The following GRID2 variants were observed in gnomAD, a reference collection of about 807,000 sequenced individuals.
GRID2 encodes glutamate receptor ionotropic, delta-2.
In GRID2, 33 loss-of-function variants were observed where a neutral mutation model predicts 114.8. The observed-to-expected ratio is 0.29, with a 90% confidence interval of 0.22 to 0.38. The LOEUF (loss-of-function observed/expected upper bound fraction) is 0.38, where lower values mean the gene tolerates loss of function less well. GRID2 is among the 10% of genes least tolerant of loss of function. The probability of loss-of-function intolerance (pLI) is 1.00; values close to 1 mark genes in which losing one functional copy is unlikely to be tolerated. For missense variants in GRID2, 1,184 were observed against 1,257.7 expected, an observed-to-expected ratio of 0.94 and a Z score of 0.89; for synonymous variants, 505 against 449.9, an observed-to-expected ratio of 1.12 and a Z score of -1.55.
chr4:92,804,432 T>C (rs535911406), intron 2 of GRID2, among the ~76,000 whole-genome samples: 1 of 152,122 alleles, frequency 6.6e-6, no homozygotes, highest in South Asian at 2.1e-4. Context: ...ATGTCATTTA[T>C]ATCATATGTC....
intron 14 of GRID2, among the ~76,000 whole-genome samples, chr4:93,721,051 C>A (rs1345121136): frequency 6.6e-6 from 1 of 152,246 alleles, no homozygotes; most frequent in Middle Eastern, 3.4e-3. Context: ...AAATTCAGAT[C>A]ATTCTAATTA....
intron 2 of GRID2, among the ~76,000 whole-genome samples, chr4:92,803,831 T>C (rs1373831226): frequency 6.6e-6 from 1 of 152,036 alleles, no homozygotes; most frequent in African/African-American, 2.4e-5. Flanking sequence ...TGGCTTCAAA[T>C]GACAATGAGA....
intron 13 of GRID2, among the ~76,000 whole-genome samples, chr4:93,543,366 A>T (rs1328381092): frequency 1.3e-5 from 2 of 152,194 alleles, no homozygotes; most frequent in Admixed American, 1.3e-4. Flanking sequence ...AATTTTTCTG[A>T]GTTGCCAACA....
chr4:92,737,217 A>C (rs1288920297), intron 2 of GRID2, among the ~76,000 whole-genome samples: 1 of 152,100 alleles, frequency 6.6e-6, no homozygotes, highest in Admixed American at 6.6e-5. Flanking sequence ...AAAGGGTCTC[A>C]AGATTAAAAT....
chr4:92,443,523 T>C (rs1266618041), intron 1 of GRID2, among the ~76,000 whole-genome samples: 1 of 148,044 alleles, frequency 6.8e-6, no homozygotes, highest in Non-Finnish European at 1.5e-5. Context: ...TCCAGAAAAG[T>C]GGGAAAAGGG....
chr4:93,716,165 A>G (rs1423590059), intron 14 of GRID2, among the ~76,000 whole-genome samples: 1 of 152,164 alleles, frequency 6.6e-6, no homozygotes, highest in African/African-American at 2.4e-5. Flanking sequence ...ACTTGGGTAT[A>G]TAAGAGTAAA....
At chr4:93,687,968 A>G (rs1400211031) in intron 14 of GRID2, among the ~76,000 whole-genome samples, 1 of 152,012 alleles carries the variant, frequency 6.6e-6, no homozygotes, top group Non-Finnish European at 1.5e-5. Flanking sequence ...TGACATGAGG[A>G]ATTGTCCCTT....
In GRID2 at chr4:93,065,282, A is replaced by G. The variant is rs1481969426; in HGVS notation, c.245-19713A>G. Among the ~76,000 whole-genome samples the G allele has an allele frequency of 2.0e-5, 3 of 151,944 alleles. No homozygotes were observed. In the East Asian group the frequency reaches 5.8e-4, roughly 29 times the overall value. Reference sequence around the variant, plus strand: ...ATCTCATTTAAATTCTGATTAAAAAACCAGACTGTCATTGTGTGTCATTGA... The same window carrying G: ...ATCTCATTTAAATTCTGATTAAAAAGCCAGACTGTCATTGTGTGTCATTGA... On this transcript the variant is annotated intron_variant, in intron 2 of 15. Coordinates refer to ENST00000282020, the MANE Select transcript of GRID2 (RefSeq NM_001510.4).
rs113090670 is a variant in GRID2, at chr4:93,372,548, C to A, written c.1246-23059C>A. Among the ~76,000 whole-genome samples the A allele has an allele frequency of 3.3e-3, 506 of 151,986 alleles. 7 individuals carry two copies. The highest frequency in any genetic ancestry group is 0.012 in the African/African-American group (486 of 41,452). ...CTCCTTCTTTTCTCTTTTTTCTGGGCCTCCCTCTTTGTTTTTACGATCCCT... is the reference window on the plus strand; with the variant it reads ...CTCCTTCTTTTCTCTTTTTTCTGGGACTCCCTCTTTGTTTTTACGATCCCT... On this transcript the variant is annotated intron_variant, in intron 8 of 15. Transcript: ENST00000282020.
intron 13 of GRID2, among the ~76,000 whole-genome samples, chr4:93,520,502 G>A (rs1730225750): frequency 6.6e-6 from 1 of 152,036 alleles, no homozygotes; most frequent in Non-Finnish European, 1.5e-5. Context: ...CCAGGCAGAG[G>A]GAATGCTCAT....
chr4:93,558,150 C>T (rs957319380), intron 13 of GRID2, among the ~76,000 whole-genome samples: 45 of 152,014 alleles, frequency 3.0e-4, no homozygotes, highest in African/African-American at 6.7e-4. Context: ...GATCTAAAAT[C>T]GACGCCCTAA....
chr4:93,799,096 A>C (rs1415061353), intron 1 of GRID2, among the ~76,000 whole-genome samples: 5 of 152,178 alleles, frequency 3.3e-5, no homozygotes, highest in Non-Finnish European at 7.3e-5. Flanking sequence ...CAGTTACTTC[A>C]CATGTTAAAT....
chr4:93,349,896 A>G (rs1298321514), intron 8 of GRID2, among the ~76,000 whole-genome samples: 1 of 152,138 alleles, frequency 6.6e-6, no homozygotes, highest in Non-Finnish European at 1.5e-5. Context: ...AAATAAATGT[A>G]AGAAAATAAT....
intron 2 of GRID2, among the ~76,000 whole-genome samples, chr4:92,973,953 C>CA (rs978407145): frequency 1.1e-4 from 16 of 151,872 alleles, no homozygotes; most frequent in Admixed American, 4.6e-4. Context: ...TGACAAAAGG[C>CA]AAAATCCAAA....
rs1303197989 is a variant in GRID2, at chr4:92,588,674, G to T, written c.89-1457G>T. On this transcript the variant is annotated intron_variant, in intron 1 of 15. Coordinates refer to ENST00000282020, the MANE Select transcript of GRID2 (RefSeq NM_001510.4). ...AGCCTGGGCAACAGAGTGAGACTCC[G>T]TCTCAAAAAAAAAAAAAAAAAAAAA... Among the ~76,000 whole-genome samples the T allele has an allele frequency of 5.1e-5, 4 of 78,170 alleles. No individual in the cohort carries two copies. The Admixed American group carries it at 5.2e-4, about 10-fold the overall frequency. 51.3% of individuals were successfully genotyped at this position (78,170 alleles called of 152,430 possible).
chr4:93,675,352 A>G (rs1189608731), intron 14 of GRID2, among the ~76,000 whole-genome samples: 1 of 152,230 alleles, frequency 6.6e-6, no homozygotes, highest in African/African-American at 2.4e-5. Flanking sequence ...ATAACATAAT[A>G]GTAACTTGTG....
intron 2 of GRID2, among the ~76,000 whole-genome samples, chr4:92,639,199 C>G (rs531644484): frequency 6.6e-5 from 10 of 151,490 alleles, no homozygotes; most frequent in Non-Finnish European, 1.5e-4. Flanking sequence ...TTTCTGTTGC[C>G]TAACCAAAAT....
intron 2 of GRID2, among the ~76,000 whole-genome samples, chr4:92,834,583 G>A (rs1042498055): frequency 2.0e-5 from 3 of 152,144 alleles, no homozygotes; most frequent in African/African-American, 7.2e-5. Flanking sequence ...TAATGAATAA[G>A]ACAGACACAG....
At chr4:93,000,833 G>A (rs992654231) in intron 2 of GRID2, among the ~76,000 whole-genome samples, 6 of 151,320 alleles carry the variant, frequency 4.0e-5, no homozygotes, top group African/African-American at 9.7e-5. Context: ...GGAGAAGGGG[G>A]TTGAAAAACT....
Sources: allele counts gnomAD v4.1 joint callset (sites outside exome capture counted in the v4.1 genomes callset), GRCh38; gene constraint gnomAD v4.1.1; transcripts MANE v1.5; gene names NCBI Gene and HGNC (gene_info 2026-07-23, HGNC 2026-07-21).